The following PCDHA6 variants were observed in gnomAD, a reference collection of about 807,000 sequenced individuals.
PCDHA6 encodes protocadherin alpha 6.
A neutral mutation model predicts 60.3 loss-of-function variants in PCDHA6; 55 were observed. That is an observed-to-expected ratio of 0.91 (90% CI 0.73 to 1.14). PCDHA6 has a LOEUF of 1.14. Ranked by LOEUF, PCDHA6 falls within the 50% of genes most tolerant of loss-of-function variation. PCDHA6 has a pLI of 0.00. For synonymous variants in PCDHA6, 652 were observed against 557.9 expected (o/e 1.17, Z -2.38); for missense variants, 1,327 against 1,256.5 (o/e 1.06, Z -0.85).
chr5:140,883,640 C>G (rs143631680), intron 1 of PCDHA6: 2 of 1,613,958 alleles, frequency 1.2e-6, no homozygotes, highest in Non-Finnish European at 1.7e-6. Context: ...GTTCGCGCAG[C>G]CCGAGTACAC....
In PCDHA6 at chr5:140,876,702, C is replaced by A. The variant is rs1554168805; in HGVS notation, c.2394+46217C>A. 6.2e-7 allele frequency: 1 copy of A among 1,614,242 alleles called. No homozygotes were observed. Among genetic ancestry groups the A allele is most frequent in the Admixed American group, 1.7e-5 (1 of 60,028 alleles). The stretch of plus-strand genomic sequence containing the variant: ...AGAATTACTACTCGTTGGTGCTGGA[C>A]AGCGCCCTGGACCGCGAGAGCGTGT... On this transcript the variant is annotated intron_variant, in intron 1 of 3. Coordinates refer to ENST00000529310, the MANE Select transcript of PCDHA6 (RefSeq NM_018909.4).
chr5:140,976,781 T>C (rs1238344428), intron 1 of PCDHA6, among the ~76,000 whole-genome samples: 26 of 152,206 alleles, frequency 1.7e-4, no homozygotes, highest in Admixed American at 1.6e-3. Flanking sequence ...TCTGACTATA[T>C]AGCTACGCTT....
chr5:140,869,779 G>A (rs1554163444), intron 1 of PCDHA6: 4 of 1,612,766 alleles, frequency 2.5e-6, no homozygotes, highest in Non-Finnish European at 3.4e-6. Flanking sequence ...TACTGGCACC[G>A]TTCGGCTGTT....
At chr5:140,968,150 A>G (rs1554230413) in intron 1 of PCDHA6, 2 of 1,614,180 alleles carry the variant, frequency 1.2e-6, no homozygotes, top group Admixed American at 1.7e-5. Flanking sequence ...GATCTCTGAC[A>G]TCAATGACAA....
intron 1 of PCDHA6, among the ~76,000 whole-genome samples, chr5:140,941,248 T>TTTCTTTC (rs2092963388): frequency 1.4e-5 from 2 of 141,492 alleles, no homozygotes; most frequent in African/African-American, 5.3e-5. Context: ...TCTTTCTTTC[T>TTTCTTTC]TTCTTTCTCT....
chr5:140,870,902 C>G (rs2052520790), intron 1 of PCDHA6: 1 of 1,613,846 alleles, frequency 6.2e-7, no homozygotes. Flanking sequence ...GATGCGGACT[C>G]AGGCTACAAC....
At chr5:140,884,119 C>T (rs782009154) in intron 1 of PCDHA6, 1 of 1,613,310 alleles carries the variant, frequency 6.2e-7, no homozygotes. Context: ...CGGCGGTCGG[C>T]GCGCGCATCC....
chr5:140,991,924 A>T (rs1028386420), intron 3 of PCDHA6, among the ~76,000 whole-genome samples: 1 of 152,140 alleles, frequency 6.6e-6, no homozygotes, highest in Non-Finnish European at 1.5e-5. Context: ...GTAACATAAC[A>T]TATTCACAAG....
Position 140,896,583 on chromosome 5 carries a change from GC to G in PCDHA6, c.2394+66100del, listed in dbSNP as rs1194968470. The stretch of plus-strand genomic sequence containing the variant: ...GTAGAGATGGGGTTTTGACGTGTTG[GC>G]CAGGCTGGTCTCGAACTCCTGGTCT... On this transcript the variant is annotated intron_variant, in intron 1 of 3. Coordinates refer to ENST00000529310, the MANE Select transcript of PCDHA6 (RefSeq NM_018909.4). Among the ~76,000 whole-genome samples, 4 of 151,654 alleles carry G rather than the reference GC, an allele frequency of 2.6e-5. No individual in the cohort carries two copies. In the East Asian group the frequency reaches 7.8e-4, roughly 29 times the overall value.
At chr5:140,868,636 TCTCA>T (rs1554162146) in intron 1 of PCDHA6, 1 of 156,044 alleles carries the variant, frequency 6.4e-6, no homozygotes, top group East Asian at 1.9e-4. Flanking sequence ...TCTCTTTCTC[TCTCA>T]CTCTGTGTAT....
At chr5:140,933,184 G>T (rs1459868769) in intron 1 of PCDHA6, among the ~76,000 whole-genome samples, 4 of 149,618 alleles carry the variant, frequency 2.7e-5, no homozygotes, top group African/African-American at 4.9e-5. Flanking sequence ...ATAAGATAAT[G>T]GTTCAGGATA....
At chr5:140,915,259 T>A (rs1344301014) in intron 1 of PCDHA6, among the ~76,000 whole-genome samples, 2 of 152,182 alleles carry the variant, frequency 1.3e-5, no homozygotes, top group African/African-American at 2.4e-5. Flanking sequence ...GTTGTTATTA[T>A]TTTTGACCAG....
At chr5:140,832,540 C>T (rs1195666281) in intron 1 of PCDHA6, among the ~76,000 whole-genome samples, 1 of 152,172 alleles carries the variant, frequency 6.6e-6, no homozygotes, top group African/African-American at 2.4e-5. Context: ...ATTTGTGTAG[C>T]TAATGATATC....
rs2150161123 is a variant in PCDHA6 at position 140,828,942 on chromosome 5, T to G, written c.851T>G (p.Leu284Arg). ...GCAATTTCATATTCTTTTAATAGCC[T>G]TGTTGCAGCCATGGTTATTGACCAC... ...NGAISYSFNS[L>R]VAAMVIDHFS... The change falls in exon 1 of 4, where the codon CTT (leucine) becomes CGT (arginine). Residue 284 changes from leucine to arginine, a missense_variant. Coordinates refer to ENST00000529310, the MANE Select transcript of PCDHA6 (RefSeq NM_018909.4). 2 of 1,614,258 alleles carry G rather than the reference T, an allele frequency of 1.2e-6. No individual in the cohort carries two copies. Among genetic ancestry groups the G allele is most frequent in the Admixed American group, 3.3e-5 (2 of 60,034 alleles).
chr5:140,989,681 A>C (rs1428237884), intron 3 of PCDHA6, among the ~76,000 whole-genome samples: 1 of 152,250 alleles, frequency 6.6e-6, no homozygotes, highest in Non-Finnish European at 1.5e-5. Flanking sequence ...CAGATTTCAA[A>C]GGAACGTGAA....
intron 3 of PCDHA6, among the ~76,000 whole-genome samples, chr5:140,991,403 C>A (rs1230118485): frequency 6.6e-6 from 1 of 152,116 alleles, no homozygotes; most frequent in African/African-American, 2.4e-5. Context: ...TATTTATTTC[C>A]CATTATGCTA....
intron 1 of PCDHA6, chr5:140,969,448 G>C (rs781843317): frequency 2.0e-6 from 3 of 1,537,944 alleles, no homozygotes; most frequent in Non-Finnish European, 2.6e-6. Flanking sequence ...CTGGTAAACT[G>C]AGTATATATA....
intron 1 of PCDHA6, among the ~76,000 whole-genome samples, chr5:140,947,497 T>A (rs1289449406): frequency 6.6e-6 from 1 of 151,724 alleles, no homozygotes; most frequent in Non-Finnish European, 1.5e-5. Flanking sequence ...ATAGGTCATT[T>A]AAATTTTCAT....
At chr5:140,965,851 A>C (rs1257954575) in intron 1 of PCDHA6, among the ~76,000 whole-genome samples, 1 of 152,252 alleles carries the variant, frequency 6.6e-6, no homozygotes, top group Non-Finnish European at 1.5e-5. Flanking sequence ...GCCAAGGCAC[A>C]CACTGAAAAT....
Sources: allele counts gnomAD v4.1 joint callset (sites outside exome capture counted in the v4.1 genomes callset), GRCh38; gene constraint gnomAD v4.1.1; transcripts MANE v1.5; gene names NCBI Gene and HGNC (gene_info 2026-07-23, HGNC 2026-07-21).